The following UBE2D1 variants were observed in gnomAD, a reference collection of about 807,000 sequenced individuals.
The protein encoded by UBE2D1 is ubiquitin-conjugating enzyme E2 D1.
UBE2D1 carries 9 observed loss-of-function variants against 24.6 expected under a neutral mutation model. The observed-to-expected ratio is 0.37, with a 90% confidence interval of 0.22 to 0.64. The LOEUF is 0.64. Among genes scored for constraint, UBE2D1 ranks in the 30% least tolerant of loss-of-function variants. UBE2D1 has a pLI of 0.64. For synonymous variants in UBE2D1, 57 were observed against 57.6 expected, an observed-to-expected ratio of 0.99 and a Z score of 0.04; for missense variants, 87 against 177.1, an observed-to-expected ratio of 0.49 and a Z score of 2.89.
intron 4 of UBE2D1, 35 bp downstream of exon 4, chr10:58,363,721 G>T (rs1216041122): frequency 2.2e-5 from 32 of 1,461,052 alleles, no homozygotes; most frequent in Non-Finnish European, 2.6e-5. Context: ...TGACTCCCAT[G>T]TAAGAGATTT....
chr10:58,342,619 C>T (rs1272713588), intron 1 of UBE2D1, among the ~76,000 whole-genome samples: 1 of 152,026 alleles, frequency 6.6e-6, no homozygotes, highest in Non-Finnish European at 1.5e-5. Flanking sequence ...ATTTTGTTTT[C>T]ACTTAAATTT....
chr10:58,356,096 A>G (rs1474939210), intron 1 of UBE2D1, among the ~76,000 whole-genome samples: 1 of 152,104 alleles, frequency 6.6e-6, no homozygotes, highest in East Asian at 1.9e-4. Flanking sequence ...TATTACCTCC[A>G]TTCTCTCAGA....
Position 58,335,220 on chromosome 10 carries a change from C to A in UBE2D1, c.19C>A (p.Gln7Lys). The A allele has an allele frequency of 6.5e-7, 1 of 1,546,690 alleles. No homozygotes were observed. The highest frequency in any genetic ancestry group is 2.5e-5 in the East Asian group (1 of 39,736). Residue 7 changes from glutamine to lysine, a missense_variant, in exon 1 of 7, where the codon CAG (glutamine) becomes AAG (lysine). Transcript: ENST00000373910. ...CTGACCCATGGCGCTGAAGAGGATT[C>A]AGAAAGTGAGTGCCGGGGCCGGGCC... MALKRI[Q>K]KELSDLQRDP...
chr10:58,338,871 A>G (rs1400846010), intron 1 of UBE2D1, among the ~76,000 whole-genome samples: 1 of 152,208 alleles, frequency 6.6e-6, no homozygotes, highest in Non-Finnish European at 1.5e-5. Flanking sequence ...ACTATTCCTT[A>G]GTGTGTAATT....
At chr10:58,344,997 T>C (rs1840000774) in intron 1 of UBE2D1, among the ~76,000 whole-genome samples, 2 of 152,010 alleles carry the variant, frequency 1.3e-5, no homozygotes, top group South Asian at 2.1e-4. Flanking sequence ...CCTGAGTAGC[T>C]GGGTCTACAG....
At chr10:58,354,647 T>C (rs761532770) in intron 1 of UBE2D1, among the ~76,000 whole-genome samples, 1 of 151,906 alleles carries the variant, frequency 6.6e-6, no homozygotes, top group Non-Finnish European at 1.5e-5. Context: ...GCCTGGCCAA[T>C]ATATAGTGAA....
intron 1 of UBE2D1, among the ~76,000 whole-genome samples, chr10:58,352,052 A>T (rs1187962887): frequency 6.6e-6 from 1 of 152,130 alleles, no homozygotes; most frequent in African/African-American, 2.4e-5. Flanking sequence ...ATTGAAAAAA[A>T]ACTTTCCCTC....
chr10:58,337,421 G>A (rs1400519961), intron 1 of UBE2D1, among the ~76,000 whole-genome samples: 2 of 152,036 alleles, frequency 1.3e-5, no homozygotes, highest in Admixed American at 6.5e-5. Context: ...TAGATGTGCC[G>A]CCTGCCGTAT....
At chr10:58,347,748 A>C (rs907937163) in intron 1 of UBE2D1, among the ~76,000 whole-genome samples, 9 of 150,854 alleles carry the variant, frequency 6.0e-5, no homozygotes, top group Non-Finnish European at 8.8e-5. Flanking sequence ...CCTGGGTTCA[A>C]GCGATTCTTC....
At chr10:58,357,439 C>T (rs1041062535) in intron 1 of UBE2D1, among the ~76,000 whole-genome samples, 3 of 152,120 alleles carry the variant, frequency 2.0e-5, no homozygotes, top group Non-Finnish European at 2.9e-5. Flanking sequence ...TTTTGTCTGT[C>T]ATCTAAAAGT....
chr10:58,356,450 A>G (rs1302402084), intron 1 of UBE2D1, among the ~76,000 whole-genome samples: 4 of 152,286 alleles, frequency 2.6e-5, no homozygotes, highest in African/African-American at 9.6e-5. Flanking sequence ...TCAGTATTTC[A>G]TAATATGGCT....
chr10:58,357,971 A>T (rs1046025907), intron 1 of UBE2D1, among the ~76,000 whole-genome samples: 2 of 152,098 alleles, frequency 1.3e-5, no homozygotes, highest in Admixed American at 1.3e-4. Flanking sequence ...CTTAGCCCTA[A>T]CTTCTAACAG....
At chr10:58,349,058 T>A (rs1212960505) in intron 1 of UBE2D1, among the ~76,000 whole-genome samples, 1 of 152,192 alleles carries the variant, frequency 6.6e-6, no homozygotes, top group East Asian at 1.9e-4. Context: ...TGTGTCTCGT[T>A]GTTTATAGAA....
intron 1 of UBE2D1, among the ~76,000 whole-genome samples, chr10:58,335,911 G>A (rs1173509503): frequency 6.6e-6 from 1 of 152,236 alleles, no homozygotes; most frequent in East Asian, 1.9e-4. Flanking sequence ...GATTCACGGT[G>A]AGTCAAGCCA....
chr10:58,367,743 CTT>C (rs1305925410), intron 5 of UBE2D1, among the ~76,000 whole-genome samples, 178 bp from the exon 6 acceptor site: 1 of 151,970 alleles, frequency 6.6e-6, no homozygotes, highest in Non-Finnish European at 1.5e-5. Flanking sequence ...AATTTTATAA[CTT>C]TAAAAATTAA....
At chr10:58,348,205 A>G (rs922296655) in intron 1 of UBE2D1, among the ~76,000 whole-genome samples, 3 of 152,186 alleles carry the variant, frequency 2.0e-5, no homozygotes, top group Non-Finnish European at 2.9e-5. Context: ...AAGAATCTAC[A>G]TGGTTTAAAA....
Position 58,370,108 on chromosome 10 carries a change from G to C in UBE2D1, c.*1343G>C, listed in dbSNP as rs1840299263. On this transcript the variant is annotated 3_prime_UTR_variant, in exon 7 of 7. Coordinates refer to ENST00000373910, the MANE Select transcript of UBE2D1 (RefSeq NM_003338.5). ...AAGTTCTAAAATTATGCCTCCCTCT[G>C]TTTTTATAAGTTGCCATCGAAAAGT... is the stretch of plus-strand genomic sequence containing the variant. 1 of 149,416 alleles carries C rather than the reference G, an allele frequency of 6.7e-6. No homozygotes were observed. The highest frequency in any genetic ancestry group is 2.1e-4 in the South Asian group (1 of 4,760). The allele number at this position is 149,416 out of a possible 1,614,324, so 9.3% of individuals were successfully genotyped here. A position where few individuals can be genotyped will look rare whatever the true frequency, so the allele number is the denominator to read the frequency against.
intron 1 of UBE2D1, among the ~76,000 whole-genome samples, chr10:58,358,318 C>T (rs769676892): frequency 2.7e-4 from 41 of 152,114 alleles, no homozygotes; most frequent in Non-Finnish European, 5.3e-4. Context: ...CCCATTTACA[C>T]TAATGTTTAG....
At chr10:58,360,783 A>G (rs1840187205) in intron 1 of UBE2D1, 1 of 295,266 alleles carries the variant, frequency 3.4e-6, no homozygotes, top group Admixed American at 4.1e-5. Flanking sequence ...GTGTGCTGGC[A>G]CATGCCTGTA....
Sources: gnomAD v4.1 joint callset for allele counts (sites outside exome capture counted in the v4.1 genomes callset) on GRCh38, gnomAD v4.1.1 for gene constraint, MANE v1.5 for transcripts, NCBI Gene and HGNC (gene_info 2026-07-23, HGNC 2026-07-21) for gene names.